Variants in VWA8 observed in about 807,000 individuals in gnomAD.
VWA8 encodes von Willebrand factor A domain-containing protein 8.
Under a neutral mutation model 241.5 loss-of-function variants are expected in VWA8, and 221 were observed. The observed-to-expected ratio is 0.91, with a 90% CI of 0.82 to 1.02. VWA8 has a LOEUF of 1.02. Ranked by LOEUF, VWA8 falls within the 50% of genes least tolerant of loss-of-function variation. The probability of loss-of-function intolerance (pLI) is 0.00; values close to 1 mark genes in which losing one functional copy is unlikely to be tolerated. For missense variants in VWA8, 2,322 were observed against 2,328.7 expected, an observed-to-expected ratio of 1.00 and a Z score of 0.06; for synonymous variants, 852 against 827.1, an observed-to-expected ratio of 1.03 and a Z score of -0.52.
intron 17 of VWA8, among the ~76,000 whole-genome samples, chr13:41,792,570 T>C (rs1869508044): frequency 6.6e-6 from 1 of 152,024 alleles, no homozygotes. Context: ...ATTAATCTTA[T>C]CAAAATTTCT....
chr13:41,755,117 G>T (rs2045685050), intron 21 of VWA8, among the ~76,000 whole-genome samples: 2 of 151,960 alleles, frequency 1.3e-5, no homozygotes, highest in African/African-American at 4.8e-5. Context: ...TTTCTTGTGG[G>T]TATATACCCA....
At chr13:41,819,105 G>T in intron 15 of VWA8, 113 bp downstream of exon 15, 3 of 1,106,512 alleles carry the variant, frequency 2.7e-6, no homozygotes, top group South Asian at 3.5e-5. Context: ...AAATTTGGGA[G>T]TAAATGGGAA....
chr13:41,927,100 G>A (rs535779323), intron 2 of VWA8: 42 of 378,394 alleles, frequency 1.1e-4, no homozygotes, highest in South Asian at 4.6e-4. Flanking sequence ...ATCCTGTGCC[G>A]CAGCAGCGGG....
intron 37 of VWA8, among the ~76,000 whole-genome samples, chr13:41,616,075 C>G (rs976115439): frequency 6.6e-6 from 1 of 152,202 alleles, no homozygotes; most frequent in Non-Finnish European, 1.5e-5. Flanking sequence ...TACAGTGGAA[C>G]AAGAGAGCTT....
chr13:41,603,882 C>A (rs544893190), intron 40 of VWA8, among the ~76,000 whole-genome samples: 1 of 152,130 alleles, frequency 6.6e-6, no homozygotes, highest in African/African-American at 2.4e-5. Flanking sequence ...CTCCATGAAG[C>A]CTTTCCTCAT....
chr13:41,577,750 G>A (rs1251523771), intron 42 of VWA8, among the ~76,000 whole-genome samples: 2 of 152,198 alleles, frequency 1.3e-5, no homozygotes, highest in African/African-American at 2.4e-5. Context: ...TCCCTGACAC[G>A]GAACTAGGTT....
chr13:41,657,404 A>T (rs993843530), intron 37 of VWA8, among the ~76,000 whole-genome samples: 5 of 151,982 alleles, frequency 3.3e-5, no homozygotes, highest in Non-Finnish European at 7.4e-5. Context: ...ATCATTTTAC[A>T]TACTTTTTGA....
chr13:41,674,381 G>A (rs9532908), intron 36 of VWA8, among the ~76,000 whole-genome samples: 145,327 of 152,224 alleles, frequency 0.95, 69,758 homozygotes, highest in East Asian at 1. Flanking sequence ...GACTTCAACC[G>A]CTGTGTTGTG....
rs545433493 is a variant in VWA8, at chr13:41,961,031, GT to G, written c.-17del. 5.8e-4 allele frequency: 784 copies of G among 1,358,196 alleles called. 4 individuals are homozygous for G. In the African/African-American group the frequency reaches 0.011, roughly 19 times the overall value. The allele number at this position is 1,358,196 out of a possible 1,614,324, so 84.1% of individuals were successfully genotyped here. A position where few individuals can be genotyped will look rare whatever the true frequency, so the allele number is the denominator to read the frequency against. On this transcript the variant is annotated 5_prime_UTR_variant, in exon 1 of 45. Transcript: ENST00000379310. ...GGGATTGCATGGCGCCGGGGGGGCT[GT>G]CGGGGACGGCGAGGGGGCTCGGGGA... is the stretch of plus-strand genomic sequence containing the variant.
chr13:41,926,958 AC>A (rs1472545487), intron 2 of VWA8: 1 of 521,114 alleles, frequency 1.9e-6, no homozygotes, highest in Non-Finnish European at 3.8e-6. Context: ...CATCAATCCT[AC>A]ATTAATCTGT....
intron 17 of VWA8, among the ~76,000 whole-genome samples, chr13:41,810,688 T>G (rs972741197): frequency 2.0e-5 from 3 of 152,008 alleles, no homozygotes; most frequent in African/African-American, 7.2e-5. Flanking sequence ...AGAATGAAGA[T>G]CTAGTATTTG....
chr13:41,609,536 C>T (rs4942067), intron 39 of VWA8, among the ~76,000 whole-genome samples: 25,850 of 152,020 alleles, frequency 0.17, 2,634 homozygotes, highest in Non-Finnish European at 0.24. Context: ...TCGGGTCCAT[C>T]GCATTCATTA....
intron 37 of VWA8, among the ~76,000 whole-genome samples, chr13:41,667,479 C>T (rs61964883): frequency 0.19 from 28,891 of 152,132 alleles, 3,446 homozygotes; most frequent in East Asian, 0.34. Context: ...AAGATTGCAA[C>T]CATTGTTAAA....
chr13:41,624,288 A>C (rs1204618379), intron 37 of VWA8, among the ~76,000 whole-genome samples: 1 of 152,216 alleles, frequency 6.6e-6, no homozygotes, highest in Non-Finnish European at 1.5e-5. Context: ...ATTCTCAAAA[A>C]ATCTAGGAGG....
Position 41,885,954 on chromosome 13 carries a change from G to A in VWA8, c.941C>T (p.Pro314Leu), listed in dbSNP as rs1284685156. Reference sequence around the variant, plus strand: ...AACCGCAGCTGCTAAACTATCTAAAGGAAAGTCTGGAAGTCCAAGAGTAGA... The same window carrying A: ...AACCGCAGCTGCTAAACTATCTAAAAGAAAGTCTGGAAGTCCAAGAGTAGA... ...ESSTLGLPDFPLDSLAAAVQI... is the reference protein window; with the variant it reads ...ESSTLGLPDFLLDSLAAAVQI... Residue 314 changes from proline (P) to leucine (L), a missense_variant, in exon 8 of 45, where the codon CCT becomes CTT. Transcript: ENST00000379310. The A allele has an allele frequency of 5.0e-6, 8 of 1,604,586 alleles. No individual in the cohort carries two copies. The highest frequency in any genetic ancestry group is 6.8e-6 in the Non-Finnish European group (8 of 1,177,532).
chr13:41,689,387 A>G lies in VWA8; in HGVS notation c.4098T>C (p.Tyr1366=), dbSNP rs1275201921. 3 of 1,611,448 alleles carry G rather than the reference A, an allele frequency of 1.9e-6. No homozygotes were observed. The highest frequency in any genetic ancestry group is 2.2e-5 in the South Asian group (2 of 90,826). The part of the protein sequence containing the change: ...PNRILSDEKN[Y]ATIVVGFPDL... ...CTGGAAAACCAACAACTATTGTAGC[A>G]TAATTTTTCTCATCTGAGAGAATTC... is the stretch of plus-strand genomic sequence containing the variant. The change falls in exon 34 of 45, where the codon TAT becomes TAC. Residue 1366 remains tyrosine, a synonymous_variant. Transcript: ENST00000379310.
At position 41,868,465 on chromosome 13, in the gene VWA8, G is replaced by T; in HGVS notation, c.1093C>A (p.Gln365Lys). The change falls in exon 10 of 45, where the codon CAA becomes AAA. Residue 365 changes from glutamine (Q) to lysine (K), a missense_variant. Transcript: ENST00000379310. ...GGAAGTAGAGAGCTTCCTGAATCTT[G>T]AAGTTCAAAGCGCTGTAAAATTACA... ...VEGVLKRFEL[Q>K]DSGSSLLPKE... The T allele has an allele frequency of 6.2e-7, 1 of 1,612,948 alleles. No individual in the cohort carries two copies. The highest frequency in any genetic ancestry group is 8.5e-7 in the Non-Finnish European group (1 of 1,179,710).
chr13:41,938,017 C>G (rs1877428677), intron 2 of VWA8, among the ~76,000 whole-genome samples: 1 of 151,664 alleles, frequency 6.6e-6, no homozygotes. Context: ...AAAAATTAGC[C>G]AGACATGGTG....
intron 1 of VWA8, among the ~76,000 whole-genome samples, chr13:41,951,320 G>A (rs1878127617): frequency 6.6e-6 from 1 of 152,158 alleles, no homozygotes; most frequent in Admixed American, 6.5e-5. Context: ...GGGAGGCTGA[G>A]GCAGGAGAAT....
Sources: gnomAD v4.1 joint callset for allele counts (sites outside exome capture counted in the v4.1 genomes callset) on GRCh38, gnomAD v4.1.1 for gene constraint, MANE v1.5 for transcripts, NCBI Gene and HGNC (gene_info 2026-07-23, HGNC 2026-07-21) for gene names.